The following DDX60 variants were observed in gnomAD, a reference collection of about 807,000 sequenced individuals.
DDX60 encodes probable ATP-dependent RNA helicase DDX60.
Under a neutral mutation model 212.8 loss-of-function variants are expected in DDX60, and 165 were observed. That is an observed-to-expected ratio of 0.78 (90% CI 0.68 to 0.88). The LOEUF is 0.88. Ranked by LOEUF, DDX60 falls within the 40% of genes least tolerant of loss-of-function variation. DDX60 has a pLI of 0.00. For synonymous variants in DDX60, 703 were observed against 685.3 expected (o/e 1.03, Z -0.40); for missense variants, 1,905 against 2,003.9 (o/e 0.95, Z 0.94).
intron 1 of DDX60, among the ~76,000 whole-genome samples, chr4:168,313,865 G>T (rs1737247123): frequency 1.3e-5 from 2 of 152,138 alleles, no homozygotes; most frequent in Admixed American, 6.5e-5. Flanking sequence ...TAGATTAAAA[G>T]GAATAATATA....
At chr4:168,258,969 T>A (rs1336934246) in intron 25 of DDX60, among the ~76,000 whole-genome samples, 3 of 152,178 alleles carry the variant, frequency 2.0e-5, no homozygotes, top group East Asian at 3.9e-4. Context: ...CCTAGTCACA[T>A]CTTCACCCAA....
chr4:168,310,684 T>C (rs1197619700), intron 3 of DDX60, among the ~76,000 whole-genome samples: 1 of 152,172 alleles, frequency 6.6e-6, no homozygotes, highest in Non-Finnish European at 1.5e-5. Context: ...AGTAAAAAGT[T>C]AAACACCATC....
At chr4:168,301,878 G>C (rs773217374) in intron 6 of DDX60, among the ~76,000 whole-genome samples, 3 of 152,222 alleles carry the variant, frequency 2.0e-5, no homozygotes, top group Non-Finnish European at 4.4e-5. Flanking sequence ...AGGATGTACT[G>C]AGGACCCAAG....
chr4:168,245,698 A>G (rs1254201465), intron 30 of DDX60, among the ~76,000 whole-genome samples: 1 of 152,206 alleles, frequency 6.6e-6, no homozygotes, highest in East Asian at 1.9e-4. Context: ...ACAAAAACAG[A>G]AAGAACAGGT....
the DDX60 span, among the ~76,000 whole-genome samples, chr4:168,325,003 A>G: frequency 6.6e-6 from 1 of 152,240 alleles, no homozygotes; most frequent in African/African-American, 2.4e-5. Flanking sequence ...ATACACACCG[A>G]ACAGAAAATG....
At chr4:168,237,894 A>C in intron 30 of DDX60, 99 bp from the exon 31 acceptor site, 1 of 802,900 alleles carries the variant, frequency 1.2e-6, no homozygotes, top group Non-Finnish European at 1.8e-6. Context: ...TTATACCACA[A>C]AGATATCAGA....
chr4:168,293,734 A>G, intron 7 of DDX60, 53 bp downstream of exon 7: 1 of 1,439,800 alleles, frequency 6.9e-7, no homozygotes, highest in Admixed American at 2.3e-5. Context: ...AATCAACAAA[A>G]TTTCAAATGT....
chr4:168,291,762 G>T lies in DDX60; in HGVS notation c.1027C>A (p.Pro343Thr), dbSNP rs374612508. Residue 343 changes from proline to threonine, a missense_variant, in exon 8 of 38, where the codon CCT (proline) becomes ACT (threonine). Physicochemically the swap from Pro to Thr is conservative, Grantham distance 38. Coordinates refer to ENST00000393743, the MANE Select transcript of DDX60 (RefSeq NM_017631.6). ...ITSHWAEDMK[P>T]LLQMKKWCEY... ...AGTACATTTACCATTTGTAATAAAG[G>T]CTTCATGTCCTCAGCCCAATGGGAA... 3.8e-6 allele frequency: 6 copies of T among 1,589,322 alleles called. No individual in the cohort carries two copies. The East Asian group carries it at 1.1e-4, about 30-fold the overall frequency.
intron 7 of DDX60, among the ~76,000 whole-genome samples, chr4:168,292,575 A>G (rs1306241444): frequency 6.6e-6 from 1 of 152,232 alleles, no homozygotes; most frequent in East Asian, 1.9e-4. Flanking sequence ...GGAGCCACAC[A>G]TTAAATGCTC....
At chr4:168,297,384 GAAAGAAAGAAAGAAAGAA>G (rs1736445947) in intron 6 of DDX60, among the ~76,000 whole-genome samples, 1 of 71,262 alleles carries the variant, frequency 1.4e-5, no homozygotes, top group Admixed American at 1.2e-4. Context: ...GAAAGAAAGA[GAAAGAAAGAAAGAAAGAA>G]AGACAATAAA....
intron 30 of DDX60, among the ~76,000 whole-genome samples, chr4:168,245,835 C>G (rs1316715211): frequency 1.3e-5 from 2 of 151,912 alleles, no homozygotes; most frequent in Non-Finnish European, 2.9e-5. Flanking sequence ...CATTTACAAC[C>G]ATATTTTGAA....
intron 3 of DDX60, among the ~76,000 whole-genome samples, chr4:168,310,562 T>C (rs997324409): frequency 6.6e-6 from 1 of 152,174 alleles, no homozygotes; most frequent in African/African-American, 2.4e-5. Flanking sequence ...GGCATTACGA[T>C]GGGCTTTGCA....
chr4:168,278,461 T>G (rs970776975), intron 14 of DDX60, among the ~76,000 whole-genome samples: 1 of 152,200 alleles, frequency 6.6e-6, no homozygotes, highest in African/African-American at 2.4e-5. Flanking sequence ...TGAGTGACAA[T>G]GACCCATTTT....
upstream of DDX60, among the ~76,000 whole-genome samples, chr4:168,319,834 A>C (rs1737559369): frequency 6.6e-6 from 1 of 152,182 alleles, no homozygotes. Context: ...AGGTCCAGGC[A>C]CTGCTCCACA....
intron 30 of DDX60, among the ~76,000 whole-genome samples, chr4:168,238,415 G>A (rs1434786484): frequency 9.8e-6 from 1 of 102,438 alleles, no homozygotes; most frequent in African/African-American, 4.0e-5. Flanking sequence ...GAGGGGAGGA[G>A]AGGGGAGGGA....
At chr4:168,243,201 T>C (rs1382085376) in intron 30 of DDX60, among the ~76,000 whole-genome samples, 1 of 152,132 alleles carries the variant, frequency 6.6e-6, no homozygotes, top group Non-Finnish European at 1.5e-5. Flanking sequence ...ATCAGCAGCA[T>C]GAACATGGAA....
Position 168,311,019 on chromosome 4 carries a change from A to C in DDX60, c.53T>G (p.Leu18Trp). ...TCACTCAGCTTTTGGCATTTCATTC[A>C]AAATTAACTGGGACATTTCCTGTGA... ...TFSQEMSQLI[L>W]NEMPKAEYSS... The change falls in exon 3 of 38, where the codon TTG (leucine) becomes TGG (tryptophan). Residue 18 changes from leucine (L) to tryptophan (W), a missense_variant. Physicochemically the swap from Leu to Trp is moderately conservative, Grantham distance 61. Transcript: ENST00000393743. The C allele has an allele frequency of 1.9e-6, 3 of 1,576,756 alleles. No individual in the cohort carries two copies. Among genetic ancestry groups the C allele is most frequent in the Non-Finnish European group, 2.6e-6 (3 of 1,149,250 alleles).
At chr4:168,250,291 C>T (rs1734169657) in intron 28 of DDX60, among the ~76,000 whole-genome samples, 1 of 152,020 alleles carries the variant, frequency 6.6e-6, no homozygotes, top group Admixed American at 6.6e-5. Context: ...CCTATAATCC[C>T]AGCACTTTGG....
intron 23 of DDX60, 32 bp downstream of exon 23, chr4:168,262,651 A>C: frequency 7.2e-7 from 1 of 1,393,782 alleles, no homozygotes; most frequent in Non-Finnish European, 1.0e-6. Context: ...ATCATCCTCT[A>C]TAATAGGATT....
Sources: allele counts gnomAD v4.1 joint callset (sites outside exome capture counted in the v4.1 genomes callset), GRCh38; gene constraint gnomAD v4.1.1; transcripts MANE v1.5; gene names NCBI Gene and HGNC (gene_info 2026-07-23, HGNC 2026-07-21).